The following NCOA1 variants were observed in gnomAD, a reference collection of about 807,000 sequenced individuals.
The protein encoded by NCOA1 is Hin-2 protein.
A neutral mutation model predicts 150.9 loss-of-function variants in NCOA1; 35 were observed. The observed-to-expected ratio is 0.23, with a 90% CI of 0.18 to 0.31. The LOEUF (loss-of-function observed/expected upper bound fraction) is 0.31. NCOA1 is among the 10% of genes least tolerant of loss of function. The pLI is 1.00. For missense variants in NCOA1, 1,491 were observed against 1,749.3 expected (o/e 0.85, Z 2.63); for synonymous variants, 590 against 630.0 (o/e 0.94, Z 0.95).
In NCOA1 at chr2:24,770,234, G is replaced by T; in HGVS notation, c.*1843G>T. 4.3e-6 allele frequency: 1 copy of T among 231,038 alleles called. No individual in the cohort carries two copies. Among genetic ancestry groups the T allele is most frequent in the East Asian group, 6.2e-5 (1 of 16,170 alleles). The allele number at this position is 231,038 out of a possible 1,614,324, so 14.3% of individuals were successfully genotyped here. A position where few individuals can be genotyped will look rare whatever the true frequency, so the allele number is the denominator to read the frequency against. ...ATATTACTCTAGTCCCTACCAAACT[G>T]CTCTAGAAGGTCATTTCCATTTTGT... On this transcript the variant is annotated 3_prime_UTR_variant, in exon 23 of 23. Coordinates refer to ENST00000348332, the MANE Select transcript of NCOA1 (RefSeq NM_003743.5).
At chr2:24,663,437 A>T (rs150067636) in intron 5 of NCOA1, among the ~76,000 whole-genome samples, 2,642 of 152,156 alleles carry the variant, frequency 0.017, 250 homozygotes, top group Admixed American at 0.16. Context: ...TTATTCTTGG[A>T]TCCTCTAGAC....
At position 24,705,253 on chromosome 2, in the gene NCOA1, C is replaced by T; in HGVS notation, c.1097+20C>T. On this transcript the variant is annotated intron_variant, in intron 12 of 22. Coordinates refer to ENST00000348332, the MANE Select transcript of NCOA1 (RefSeq NM_003743.5). ...CGACAGGTACTACTTATTTGGAGAG[C>T]TTCATATGAAATAAGCCAGTTCACA... 1.2e-6 allele frequency: 2 copies of T among 1,610,646 alleles called. No individual in the cohort carries two copies. Among genetic ancestry groups the T allele is most frequent in the Non-Finnish European group, 1.7e-6 (2 of 1,177,204 alleles).
At position 24,517,004 on chromosome 2, in the gene NCOA1, G is replaced by GCACACA. The variant is rs72422469; in HGVS notation, c.-396+25422_-396+25427dup. On this transcript the variant is annotated intron_variant, in intron 1 of 22. Transcript: ENST00000348332. ...TATACGTATATATATACACACGCGCGCACACACACACACACACACACACAC... is the reference window on the plus strand; with the variant it reads ...TATACGTATATATATACACACGCGCGCACACACACACACACACACACACACACACAC... 4.7e-3 allele frequency among the ~76,000 whole-genome samples: 395 copies of GCACACA among 83,924 alleles called. 1 individual carries two copies. Among genetic ancestry groups the GCACACA allele is most frequent in the African/African-American group, 0.011 (281 of 24,890 alleles). 55.1% of individuals were successfully genotyped at this position (83,924 alleles called of 152,430 possible).
intron 3 of NCOA1, among the ~76,000 whole-genome samples, chr2:24,639,042 T>A (rs772628951): frequency 1.8e-4 from 28 of 152,176 alleles, no homozygotes; most frequent in Admixed American, 3.9e-4. Context: ...TGAGGCTGAT[T>A]TTCTTTTCCG....
chr2:24,523,619 A>AAAG (rs1664520650), intron 1 of NCOA1, among the ~76,000 whole-genome samples: 1 of 129,778 alleles, frequency 7.7e-6, no homozygotes, highest in Non-Finnish European at 1.7e-5. Context: ...AAAAAAAAAA[A>AAAG]AAAAAAAAAA....
intron 2 of NCOA1, among the ~76,000 whole-genome samples, chr2:24,573,631 T>A (rs1666828341): frequency 6.6e-6 from 1 of 152,184 alleles, no homozygotes; most frequent in African/African-American, 2.4e-5. Flanking sequence ...AGTTTTCCAG[T>A]CAATGCAACA....
intron 1 of NCOA1, among the ~76,000 whole-genome samples, chr2:24,554,864 TGAAAG>T (rs1235529801): frequency 6.6e-5 from 10 of 152,150 alleles, no homozygotes; most frequent in Non-Finnish European, 1.5e-4. Flanking sequence ...AGCCCCAAAA[TGAAAG>T]GACAGGATTG....
chr2:24,747,420 C>T (rs1663989413), intron 19 of NCOA1, among the ~76,000 whole-genome samples: 1 of 149,206 alleles, frequency 6.7e-6, no homozygotes, highest in Non-Finnish European at 1.5e-5. Context: ...GTGTCCAACT[C>T]CTGGTCTCAA....
intron 22 of NCOA1, among the ~76,000 whole-genome samples, chr2:24,764,468 G>A (rs1309941999): frequency 6.6e-5 from 10 of 152,188 alleles, no homozygotes; most frequent in Admixed American, 5.9e-4. Context: ...AGCCTTGAAG[G>A]ACAGTTACCA....
intron 7 of NCOA1, among the ~76,000 whole-genome samples, chr2:24,676,924 A>C (rs1671936457): frequency 6.6e-6 from 1 of 152,196 alleles, no homozygotes; most frequent in African/African-American, 2.4e-5. Flanking sequence ...ATAAAGAAAA[A>C]AGAATAAAAA....
At chr2:24,589,367 C>A (rs1294042723) in intron 3 of NCOA1, among the ~76,000 whole-genome samples, 1 of 152,210 alleles carries the variant, frequency 6.6e-6, no homozygotes, top group Non-Finnish European at 1.5e-5. Context: ...TTCCAGGCCT[C>A]TTGCTATGGA....
rs761384278 is a variant in NCOA1, at chr2:24,707,864, A to G, written c.2394A>G (p.Glu798=). Residue 798 remains glutamate (E), a synonymous_variant, in exon 13 of 23, where the codon GAA becomes GAG. Coordinates refer to ENST00000348332, the MANE Select transcript of NCOA1 (RefSeq NM_003743.5). ...CAATGACCAAACCCACTCCTGAGGA[A>G]ATAAAACTGGAGGCCCAGAGCCAGG... ...PTPMTKPTPE[E]IKLEAQSQFT... The G allele has an allele frequency of 1.3e-6, 2 of 1,594,464 alleles. No individual in the cohort carries two copies. Among genetic ancestry groups the G allele is most frequent in the Non-Finnish European group, 1.7e-6 (2 of 1,174,130 alleles).
chr2:24,698,610 A>T (rs912771075), intron 11 of NCOA1, among the ~76,000 whole-genome samples: 4 of 152,224 alleles, frequency 2.6e-5, no homozygotes, highest in African/African-American at 9.6e-5. Context: ...GATATACTTT[A>T]AAAATATTGT....
intron 8 of NCOA1, among the ~76,000 whole-genome samples, chr2:24,685,274 A>G (rs1396864818): frequency 6.6e-6 from 1 of 152,174 alleles, no homozygotes; most frequent in Admixed American, 6.5e-5. Flanking sequence ...TAAAATCTGT[A>G]CTTTTTAAGC....
intron 5 of NCOA1, among the ~76,000 whole-genome samples, chr2:24,664,035 A>T (rs1350313718): frequency 6.6e-6 from 1 of 152,224 alleles, no homozygotes; most frequent in Admixed American, 6.5e-5. Flanking sequence ...TATATCTTAT[A>T]TCAATTAGTT....
chr2:24,714,801 CAAATTTGTGG>C (rs1673934602), intron 14 of NCOA1, among the ~76,000 whole-genome samples: 3 of 151,788 alleles, frequency 2.0e-5, no homozygotes, highest in Admixed American at 2.0e-4. Flanking sequence ...AAAATATTTA[CAAATTTGTGG>C]AAATTTGTAA....
intron 20 of NCOA1, among the ~76,000 whole-genome samples, chr2:24,754,964 A>G (rs947882660): frequency 6.6e-6 from 1 of 152,234 alleles, no homozygotes; most frequent in Non-Finnish European, 1.5e-5. Flanking sequence ...AGTTACCACC[A>G]ACTCTTTAAA....
At chr2:24,732,665 G>C (rs530228279) in intron 17 of NCOA1, among the ~76,000 whole-genome samples, 6 of 152,232 alleles carry the variant, frequency 3.9e-5, no homozygotes, top group African/African-American at 9.6e-5. Flanking sequence ...AAAATATTTT[G>C]ACCCAATTGA....
intron 1 of NCOA1, among the ~76,000 whole-genome samples, chr2:24,500,104 C>T (rs1023310885): frequency 6.6e-6 from 1 of 151,940 alleles, no homozygotes; most frequent in African/African-American, 2.4e-5. Flanking sequence ...TTCTTTTTTT[C>T]TTTCTTTCTT....
Sources: allele counts gnomAD v4.1 joint callset (sites outside exome capture counted in the v4.1 genomes callset), GRCh38; gene constraint gnomAD v4.1.1; transcripts MANE v1.5; gene names NCBI Gene and HGNC (gene_info 2026-07-23, HGNC 2026-07-21).